The following CSTPP1 variants were observed in gnomAD, a reference collection of about 807,000 sequenced individuals.
CSTPP1 encodes the protein UPF0705 protein C11orf49.
chr11:47,080,713 T>A, the CSTPP1 span, among the ~76,000 whole-genome samples: 1 of 151,488 alleles, frequency 6.6e-6, no homozygotes, highest in African/African-American at 2.4e-5. Context: ...TAATTTATTT[T>A]AAAAAATAAT....
the CSTPP1 span, chr11:47,160,689 A>AT: frequency 0.082 from 12,606 of 154,230 alleles, 508 homozygotes; most frequent in Non-Finnish European, 0.09. Context: ...CAGAGGCAGC[A>AT]TTTTTTTTTT....
chr11:47,077,294 G>A, the CSTPP1 span, among the ~76,000 whole-genome samples: 4 of 151,856 alleles, frequency 2.6e-5, no homozygotes, highest in South Asian at 8.4e-4. Context: ...CCGCCTCCTG[G>A]GTTCAAGCGA....
chr11:47,024,077 A>G, the CSTPP1 span, among the ~76,000 whole-genome samples: 11 of 151,512 alleles, frequency 7.3e-5, no homozygotes, highest in African/African-American at 2.7e-4. Context: ...TAAGTGAGAC[A>G]GGGTCTCACT....
chr11:47,161,204 G>A, the CSTPP1 span: 4 of 1,614,220 alleles, frequency 2.5e-6, no homozygotes, highest in Non-Finnish European at 2.5e-6. Context: ...AGTGTCAAGT[G>A]GGAGGATACT....
At chr11:47,051,347 G>A in the CSTPP1 span, among the ~76,000 whole-genome samples, 1 of 152,140 alleles carries the variant, frequency 6.6e-6, no homozygotes, top group South Asian at 2.1e-4. Flanking sequence ...GATTACACCA[G>A]GCTCTACAGC....
the CSTPP1 span, among the ~76,000 whole-genome samples, chr11:47,122,905 G>A: frequency 6.6e-6 from 1 of 152,140 alleles, no homozygotes; most frequent in Non-Finnish European, 1.5e-5. Context: ...TCTTCTGATT[G>A]CAAGAAAGCA....
chr11:47,116,300 G>A, the CSTPP1 span, among the ~76,000 whole-genome samples: 4 of 152,168 alleles, frequency 2.6e-5, no homozygotes, highest in Admixed American at 1.3e-4. Context: ...CTGTTGATTT[G>A]GGGTGGAAAG....
At chr11:47,108,748 C>T in the CSTPP1 span, among the ~76,000 whole-genome samples, 3 of 149,590 alleles carry the variant, frequency 2.0e-5, no homozygotes, top group Admixed American at 2.0e-4. Flanking sequence ...ACTGCGTCGC[C>T]CAGGCTGGAG....
At chr11:46,943,088 A>G in the CSTPP1 span, among the ~76,000 whole-genome samples, 14 of 152,154 alleles carry the variant, frequency 9.2e-5, no homozygotes, top group Non-Finnish European at 1.8e-4. Context: ...TATACCTTCT[A>G]TCATTGTATA....
chr11:46,961,296 T>C, the CSTPP1 span, among the ~76,000 whole-genome samples: 1 of 152,192 alleles, frequency 6.6e-6, no homozygotes. Context: ...TGTGGGTTTG[T>C]TTTGCATTTC....
the CSTPP1 span, among the ~76,000 whole-genome samples, chr11:47,040,463 T>G: frequency 1.6e-5 from 2 of 126,030 alleles, 1 homozygote; most frequent in African/African-American, 5.0e-5. Flanking sequence ...CCCTATTGAC[T>G]TCAGTAGGGA....
chr11:47,052,852 G>T, the CSTPP1 span: 1 of 168,872 alleles, frequency 5.9e-6, no homozygotes, highest in Admixed American at 6.1e-5. Context: ...TCCCCATTTT[G>T]TAACTAATGA....
the CSTPP1 span, chr11:47,161,001 A>G: frequency 1.6e-6 from 2 of 1,247,416 alleles, no homozygotes; most frequent in Admixed American, 2.0e-5. Flanking sequence ...AGCAGTCCTC[A>G]GATCTTTAGA....
chr11:47,086,963 T>G, the CSTPP1 span, among the ~76,000 whole-genome samples: 1 of 152,154 alleles, frequency 6.6e-6, no homozygotes, highest in Admixed American at 6.5e-5. Context: ...TTTAGTATAT[T>G]TGTTTAGCTA....
At chr11:47,066,976 G>A in the CSTPP1 span, among the ~76,000 whole-genome samples, 1 of 152,154 alleles carries the variant, frequency 6.6e-6, no homozygotes, top group East Asian at 1.9e-4. Flanking sequence ...TGTTTATGTC[G>A]ATTAGCCTAT....
the CSTPP1 span, among the ~76,000 whole-genome samples, chr11:46,970,382 A>G: frequency 6.6e-6 from 1 of 151,090 alleles, no homozygotes; most frequent in Non-Finnish European, 1.5e-5. Context: ...GTGCACATGT[A>G]CCCTAAAACT....
the CSTPP1 span, among the ~76,000 whole-genome samples, chr11:46,966,407 T>C: frequency 2.0e-5 from 3 of 152,200 alleles, no homozygotes; most frequent in Non-Finnish European, 4.4e-5. Flanking sequence ...CTCCTTTTTT[T>C]CCCATACTGC....
chr11:47,004,204 A>T, the CSTPP1 span, among the ~76,000 whole-genome samples: 7 of 143,350 alleles, frequency 4.9e-5, no homozygotes, highest in African/African-American at 5.1e-5. Flanking sequence ...TTTTTGAGAT[A>T]GTGTCTCACT....
At chr11:47,108,698 T>C in the CSTPP1 span, among the ~76,000 whole-genome samples, 2 of 133,116 alleles carry the variant, frequency 1.5e-5, no homozygotes, top group African/African-American at 2.8e-5. Flanking sequence ...AGTTCAGTAC[T>C]ATCTACTTTT....
Sources: allele counts gnomAD v4.1 joint callset (sites outside exome capture counted in the v4.1 genomes callset), GRCh38; gene constraint gnomAD v4.1.1; transcripts MANE v1.5; gene names NCBI Gene and HGNC (gene_info 2026-07-23, HGNC 2026-07-21).